ADGRF5: variants seen among roughly 807,000 people sequenced by gnomAD.
ADGRF5 encodes the protein G-protein coupled receptor 116.
ADGRF5 carries 75 observed loss-of-function variants against 132.3 expected under a neutral mutation model. That is an observed-to-expected ratio of 0.57 (90% CI 0.47 to 0.69). The LOEUF (loss-of-function observed/expected upper bound fraction) is 0.69. ADGRF5 is among the 30% of genes least tolerant of loss of function. The pLI, the probability that ADGRF5 is intolerant of heterozygous loss-of-function variation, is 0.00. For missense variants in ADGRF5, 1,516 were observed against 1,630.6 expected (o/e 0.93, Z 1.21); for synonymous variants, 629 against 597.6 (o/e 1.05, Z -0.77).
intron 1 of ADGRF5, among the ~76,000 whole-genome samples, chr6:46,952,627 T>C (rs1778541155): frequency 1.3e-5 from 2 of 152,232 alleles, no homozygotes; most frequent in Admixed American, 1.3e-4. Context: ...ATTAAAAATA[T>C]CCTTGGAAGA....
intron 11 of ADGRF5, among the ~76,000 whole-genome samples, chr6:46,869,729 T>C (rs965612278): frequency 2.0e-5 from 3 of 152,132 alleles, no homozygotes; most frequent in Admixed American, 6.5e-5. Context: ...CAAATATGAG[T>C]TGGTTTAAAA....
intron 1 of ADGRF5, among the ~76,000 whole-genome samples, chr6:46,910,020 TAAAATA>T (rs1775778138): frequency 6.6e-6 from 1 of 150,964 alleles, no homozygotes; most frequent in Non-Finnish European, 1.5e-5. Context: ...TAAAATAAAA[TAAAATA>T]AAATAAAATA....
At chr6:46,933,557 T>C (rs1484513162) in intron 1 of ADGRF5, among the ~76,000 whole-genome samples, 1 of 152,186 alleles carries the variant, frequency 6.6e-6, no homozygotes, top group East Asian at 1.9e-4. Flanking sequence ...AGGTTGCTAC[T>C]AATGAAGGTG....
intron 12 of ADGRF5, among the ~76,000 whole-genome samples, chr6:46,867,624 G>T (rs1163613979): frequency 6.6e-6 from 1 of 152,094 alleles, no homozygotes; most frequent in Non-Finnish European, 1.5e-5. Context: ...GTCATCATTT[G>T]GGCAGCTGCC....
chr6:46,943,833 G>T (rs1006705265), intron 1 of ADGRF5, among the ~76,000 whole-genome samples: 1 of 152,144 alleles, frequency 6.6e-6, no homozygotes, highest in Non-Finnish European at 1.5e-5. Flanking sequence ...ACATACGATG[G>T]TTCAAAGGAT....
intron 10 of ADGRF5, among the ~76,000 whole-genome samples, chr6:46,874,243 T>C (rs1464832645): frequency 6.6e-6 from 1 of 152,162 alleles, no homozygotes; most frequent in Non-Finnish European, 1.5e-5. Flanking sequence ...CTTCTATAGC[T>C]CTCTCTGAAA....
chr6:46,954,825 A>C (rs896389840), exon 1 of ADGRF5: 1 of 152,212 alleles, frequency 6.6e-6, no homozygotes, highest in African/African-American at 2.4e-5. Context: ...CCTCGAGGGC[A>C]TCCCATTCAA....
At chr6:46,940,483 A>C (rs1778005518) in intron 1 of ADGRF5, among the ~76,000 whole-genome samples, 1 of 152,156 alleles carries the variant, frequency 6.6e-6, no homozygotes, top group Non-Finnish European at 1.5e-5. Context: ...CAATGGAGGA[A>C]ATAACAGCCC....
rs1315120783 is a variant in ADGRF5 at position 46,906,652 on chromosome 6, A to G, written c.102+9T>C. Reference sequence around the variant, plus strand: ...AAGAAAAATTATAGCAGATATGGATATAACTCACCAAAGGATGAATAGTAG... The same window carrying G: ...AAGAAAAATTATAGCAGATATGGATGTAACTCACCAAAGGATGAATAGTAG... On this transcript the variant is annotated intron_variant, in intron 2 of 20. Coordinates refer to ENST00000283296, the MANE Select transcript of ADGRF5 (RefSeq NM_001098518.2). 3.8e-6 allele frequency: 5 copies of G among 1,329,908 alleles called. No homozygotes were observed. Among genetic ancestry groups the G allele is most frequent in the Non-Finnish European group, 5.4e-6 (5 of 922,258 alleles). 82.4% of individuals were successfully genotyped at this position (1,329,908 alleles called of 1,614,324 possible).
chr6:46,902,270 T>C (rs1282717728), intron 2 of ADGRF5, among the ~76,000 whole-genome samples: 1 of 151,624 alleles, frequency 6.6e-6, no homozygotes, highest in African/African-American at 2.4e-5. Flanking sequence ...GAGGAGGGAG[T>C]GGCCACTGGG....
intron 2 of ADGRF5, among the ~76,000 whole-genome samples, chr6:46,902,990 G>A (rs548056681): frequency 6.0e-4 from 92 of 152,230 alleles, no homozygotes; most frequent in Non-Finnish European, 1.1e-3. Context: ...TCACTCCCTC[G>A]AATCCTCTGT....
At chr6:46,877,686 G>C (rs1484228020) in intron 10 of ADGRF5, among the ~76,000 whole-genome samples, 1 of 152,038 alleles carries the variant, frequency 6.6e-6, no homozygotes, top group Non-Finnish European at 1.5e-5. Flanking sequence ...AAATGACTGA[G>C]AGACAAACAG....
In ADGRF5 at chr6:46,858,242, T is replaced by G. The variant is rs1214146367; in HGVS notation, c.3661A>C (p.Ile1221Leu). 1 of 1,614,086 alleles carries G rather than the reference T, an allele frequency of 6.2e-7. No individual in the cohort carries two copies. The highest frequency in any genetic ancestry group is 1.1e-5 in the South Asian group (1 of 91,078). ...KSSLFQISKS[I>L]GVLTPLLGLT... The stretch of plus-strand genomic sequence containing the variant: ...CCCAAGAGTGGTGTGAGGACCCCAA[T>G]GCTCTTGCTGATCTGAAACAGGCTG... The change falls in exon 17 of 21, where the codon ATT (isoleucine) becomes CTT (leucine). Residue 1221 changes from isoleucine to leucine, a missense_variant. Ile to Leu is a conservative substitution (Grantham distance 5). This residue lies in a region of ADGRF5 where 571 missense variants were observed against 701.2 expected (regional missense o/e 0.81). Coordinates refer to ENST00000283296, the MANE Select transcript of ADGRF5 (RefSeq NM_001098518.2).
At position 46,953,685 on chromosome 6, in the gene ADGRF5, A is replaced by ATATATATATC. The variant is rs1326327311; in HGVS notation, c.-25+1048_-25+1049insGATATATATA. The stretch of plus-strand genomic sequence containing the variant: ...TATATATATATATATATATATATAT[A>ATATATATATC]TATATCTCACTGACAGTGGCATTAT... On this transcript the variant is annotated intron_variant, in intron 1 of 20. Coordinates refer to the ADGRF5 transcript ENST00000265417. 9.2e-4 allele frequency among the ~76,000 whole-genome samples: 117 copies of ATATATATATC among 126,932 alleles called. 1 individual carries two copies. The highest frequency in any genetic ancestry group is 8.3e-3 in the South Asian group (32 of 3,864). 83.3% of individuals were successfully genotyped at this position (126,932 alleles called of 152,430 possible).
chr6:46,953,683 A>ATATATC (rs1561847044), intron 1 of ADGRF5, among the ~76,000 whole-genome samples: 1 of 126,642 alleles, frequency 7.9e-6, no homozygotes, highest in African/African-American at 2.8e-5. Flanking sequence ...ATATATATAT[A>ATATATC]TATATATCTC....
chr6:46,854,813 T>C, intron 20 of ADGRF5: 1 of 1,216,436 alleles, frequency 8.2e-7, no homozygotes, highest in Non-Finnish European at 1.1e-6. Context: ...ACGGTGCTTA[T>C]GGGGCCCCCA....
At chr6:46,882,499 A>G (rs1284024678) in intron 6 of ADGRF5, among the ~76,000 whole-genome samples, 1 of 152,214 alleles carries the variant, frequency 6.6e-6, no homozygotes, top group African/African-American at 2.4e-5. Context: ...TGCCAGACAC[A>G]GATGTGTTGT....
At position 46,867,021 on chromosome 6, in the gene ADGRF5, C is replaced by G; in HGVS notation, c.1738G>C (p.Val580Leu). Residue 580 changes from valine to leucine, a missense_variant, in exon 13 of 21, where the codon GTT (valine) becomes CTT (leucine). Transcript: ENST00000283296. Reference protein sequence around the residue: ...NIMVDPLEATVSCSGSHHIKC... With the variant: ...NIMVDPLEATLSCSGSHHIKC... ...ATGTGATGGGAACCACTGCATGAAACAGTAGCTTCCAAAGGATCAACCATG... is the reference window on the plus strand; with the variant it reads ...ATGTGATGGGAACCACTGCATGAAAGAGTAGCTTCCAAAGGATCAACCATG... 2 of 1,613,862 alleles carry G rather than the reference C, an allele frequency of 1.2e-6. No homozygotes were observed. Among genetic ancestry groups the G allele is most frequent in the Non-Finnish European group, 1.7e-6 (2 of 1,179,708 alleles).
intron 20 of ADGRF5, chr6:46,854,920 G>A: frequency 2.6e-6 from 1 of 389,460 alleles, no homozygotes; most frequent in Non-Finnish European, 4.9e-6. Context: ...AAGTCCTGTG[G>A]AGTTTTAACA....
Sources: gnomAD v4.1 joint callset for allele counts (sites outside exome capture counted in the v4.1 genomes callset) on GRCh38, gnomAD v4.1.1 for gene constraint, gnomAD v4.1.1 regional missense constraint, MANE v1.5 for transcripts, NCBI Gene and HGNC (gene_info 2026-07-23, HGNC 2026-07-21) for gene names.